GPC6: variants seen among roughly 807,000 people sequenced by gnomAD.
GPC6 encodes the protein glypican 6.
A neutral mutation model predicts 55.2 loss-of-function variants in GPC6; 14 were observed. The observed-to-expected ratio is 0.25, with a 90% confidence interval of 0.17 to 0.40. The LOEUF is 0.40. GPC6 is among the 10% of genes least tolerant of loss of function. GPC6 has a pLI of 1.00. For missense variants in GPC6, 641 were observed against 708.5 expected (o/e 0.90, Z 1.08); for synonymous variants, 278 against 259.6 (o/e 1.07, Z -0.68).
At chr13:93,909,078 G>A (rs1253647503) in intron 3 of GPC6, among the ~76,000 whole-genome samples, 1 of 152,150 alleles carries the variant, frequency 6.6e-6, no homozygotes, top group Non-Finnish European at 1.5e-5. Flanking sequence ...GCAAAGGCAA[G>A]CACCTGAGTG....
intron 2 of GPC6, among the ~76,000 whole-genome samples, chr13:93,829,105 G>A (rs1887386119): frequency 6.6e-6 from 1 of 152,154 alleles, no homozygotes; most frequent in South Asian, 2.1e-4. Flanking sequence ...AATAAACGGG[G>A]ACTATGAAGA....
intron 2 of GPC6, among the ~76,000 whole-genome samples, chr13:93,762,736 A>G (rs1308878686): frequency 2.0e-5 from 3 of 152,234 alleles, no homozygotes; most frequent in Non-Finnish European, 4.4e-5. Context: ...AATCTATACT[A>G]TTGTTCTAAG....
At chr13:93,888,754 A>C (rs1389824546) in intron 3 of GPC6, among the ~76,000 whole-genome samples, 1 of 152,130 alleles carries the variant, frequency 6.6e-6, no homozygotes. Context: ...CATAGTCCCT[A>C]ATTAGAGTAA....
intron 3 of GPC6, among the ~76,000 whole-genome samples, chr13:93,936,184 A>G (rs1277838194): frequency 2.0e-5 from 3 of 152,212 alleles, no homozygotes; most frequent in Admixed American, 6.5e-5. Context: ...TTACTTCCAT[A>G]TTATGTCATA....
chr13:94,102,273 A>G (rs1885892181), intron 4 of GPC6, among the ~76,000 whole-genome samples: 2 of 152,142 alleles, frequency 1.3e-5, no homozygotes, highest in Non-Finnish European at 2.9e-5. Flanking sequence ...GTGTTTAGGT[A>G]GGAAGAATAC....
intron 7 of GPC6, among the ~76,000 whole-genome samples, chr13:94,387,734 C>CTCTT (rs1247944711): frequency 1.4e-5 from 2 of 143,186 alleles, no homozygotes; most frequent in African/African-American, 5.3e-5. Context: ...ATGAGTTTCT[C>CTCTT]TCTCTCTCTC....
intron 4 of GPC6, among the ~76,000 whole-genome samples, chr13:94,167,904 A>G (rs531742324): frequency 6.6e-6 from 1 of 152,366 alleles, no homozygotes; most frequent in Non-Finnish European, 1.5e-5. Flanking sequence ...AGTAATGCCA[A>G]TTGCTTATTC....
intron 2 of GPC6, among the ~76,000 whole-genome samples, chr13:93,655,743 A>G (rs1320268595): frequency 6.6e-6 from 1 of 152,170 alleles, no homozygotes; most frequent in Non-Finnish European, 1.5e-5. Context: ...CACAAGTAGA[A>G]TCTAAAAATG....
chr13:93,856,984 GT>G (rs1262660454), intron 3 of GPC6, among the ~76,000 whole-genome samples: 1 of 151,648 alleles, frequency 6.6e-6, no homozygotes, highest in East Asian at 2.0e-4. Flanking sequence ...CCTATTTCTT[GT>G]TGTAGATTCT....
chr13:93,433,704 G>A (rs1461528892), intron 1 of GPC6, among the ~76,000 whole-genome samples: 2 of 152,272 alleles, frequency 1.3e-5, no homozygotes, highest in East Asian at 3.9e-4. Context: ...GAGGGAGACA[G>A]ACAGAGTCAA....
At position 94,286,345 on chromosome 13, in the gene GPC6, A is replaced by G; in HGVS notation, c.878-4A>G. On this transcript the variant is annotated splice_region_variant and splice_polypyrimidine_tract_variant and intron_variant, in intron 4 of 8. Coordinates refer to ENST00000377047, the MANE Select transcript of GPC6 (RefSeq NM_005708.5). ...AAATAAATCATGTTCCTGTATTTTAACAGATGCAATGCTCTTGGTGGCAGA... is the reference window on the plus strand; with the variant it reads ...AAATAAATCATGTTCCTGTATTTTAGCAGATGCAATGCTCTTGGTGGCAGA... The G allele has an allele frequency of 6.2e-7, 1 of 1,613,746 alleles. No homozygotes were observed. The highest frequency in any genetic ancestry group is 8.5e-7 in the Non-Finnish European group (1 of 1,179,752).
chr13:93,795,948 G>C (rs986171515), intron 2 of GPC6, among the ~76,000 whole-genome samples: 22 of 151,836 alleles, frequency 1.4e-4, no homozygotes, highest in African/African-American at 4.8e-4. Flanking sequence ...GGTGGCACAC[G>C]CCTGTAGTCC....
chr13:93,275,662 T>C (rs1048667086), intron 1 of GPC6, among the ~76,000 whole-genome samples: 1 of 152,126 alleles, frequency 6.6e-6, no homozygotes, highest in African/African-American at 2.4e-5. Flanking sequence ...GTTTCTCCTG[T>C]GTGTGCATCC....
At chr13:93,756,295 G>C (rs550241267) in intron 2 of GPC6, among the ~76,000 whole-genome samples, 9 of 152,154 alleles carry the variant, frequency 5.9e-5, no homozygotes, top group African/African-American at 1.9e-4. Context: ...AGTAACTTGT[G>C]GTCATTGTGA....
At chr13:93,701,265 G>A (rs142784206) in intron 2 of GPC6, among the ~76,000 whole-genome samples, 1 of 152,148 alleles carries the variant, frequency 6.6e-6, no homozygotes, top group Admixed American at 6.6e-5. Context: ...TGCAGATGCA[G>A]GTCTAGACAA....
At chr13:94,351,637 C>T (rs1322720726) in intron 6 of GPC6, among the ~76,000 whole-genome samples, 1 of 152,006 alleles carries the variant, frequency 6.6e-6, no homozygotes. Flanking sequence ...CTGCTAATTA[C>T]CCACAGCTCT....
chr13:94,302,155 A>T (rs1211776894), intron 5 of GPC6, among the ~76,000 whole-genome samples: 1 of 152,240 alleles, frequency 6.6e-6, no homozygotes, highest in Admixed American at 6.5e-5. Flanking sequence ...TAGTCTGCTC[A>T]GGCTGCTATA....
At chr13:94,176,922 C>T (rs902142179) in intron 4 of GPC6, among the ~76,000 whole-genome samples, 4 of 152,110 alleles carry the variant, frequency 2.6e-5, no homozygotes, top group Non-Finnish European at 5.9e-5. Flanking sequence ...ACAGAACTTC[C>T]GCATGTGATG....
chr13:93,374,310 A>G (rs1384965499), intron 1 of GPC6, among the ~76,000 whole-genome samples: 1 of 152,154 alleles, frequency 6.6e-6, no homozygotes, highest in African/African-American at 2.4e-5. Context: ...CAGAACCAAA[A>G]GTAGAATTAG....
Sources: allele counts gnomAD v4.1 joint callset (sites outside exome capture counted in the v4.1 genomes callset), GRCh38; gene constraint gnomAD v4.1.1; transcripts MANE v1.5; gene names NCBI Gene and HGNC (gene_info 2026-07-23, HGNC 2026-07-21).